Variants in JAKMIP3 observed in about 807,000 individuals in gnomAD.
JAKMIP3 encodes janus kinase and microtubule-interacting protein 3.
A neutral mutation model predicts 118.5 loss-of-function variants in JAKMIP3; 58 were observed. The observed-to-expected ratio is 0.49, with a 90% CI of 0.40 to 0.61. JAKMIP3 has a LOEUF of 0.61. Among genes scored for constraint, JAKMIP3 ranks in the 20% least tolerant of loss-of-function variants. The probability of loss-of-function intolerance (pLI) is 0.00; values close to 1 mark genes in which losing one functional copy is unlikely to be tolerated. For synonymous variants in JAKMIP3, 486 were observed against 451.2 expected (o/e 1.08, Z -0.98); for missense variants, 950 against 1,109.0 (o/e 0.86, Z 2.04).
At chr10:132,039,711 T>C (rs1366790616) in intron 1 of JAKMIP3, among the ~76,000 whole-genome samples, 1 of 152,240 alleles carries the variant, frequency 6.6e-6, no homozygotes, top group African/African-American at 2.4e-5. Flanking sequence ...CCCGATTCCC[T>C]ACAGCGGCAT....
At chr10:132,063,159 G>A (rs1036630444), upstream of JAKMIP3, among the ~76,000 whole-genome samples, 4 of 152,172 alleles carry the variant, frequency 2.6e-5, no homozygotes, top group African/African-American at 9.7e-5. Context: ...ACTGCCCGTG[G>A]GTGGGAAAGG....
At chr10:132,066,546 G>T (rs547740307) in intron 1 of JAKMIP3, among the ~76,000 whole-genome samples, 81 of 152,318 alleles carry the variant, frequency 5.3e-4, no homozygotes, top group African/African-American at 1.9e-3. Flanking sequence ...CTTTTTTGCT[G>T]CTTGTTTTCC....
chr10:132,036,747 C>T (rs939331257), intron 1 of JAKMIP3, among the ~76,000 whole-genome samples: 4 of 151,036 alleles, frequency 2.6e-5, no homozygotes, highest in Non-Finnish European at 5.9e-5. Context: ...CGGTGAGCAG[C>T]GGCCGGGGTG....
chr10:132,124,878 T>G (rs182649670), intron 3 of JAKMIP3, among the ~76,000 whole-genome samples: 1 of 152,378 alleles, frequency 6.6e-6, no homozygotes, highest in East Asian at 1.9e-4. Flanking sequence ...GTGACAGTAT[T>G]GCCATTTCTT....
chr10:132,176,335 C>A (rs2060136873), intron 23 of JAKMIP3, among the ~76,000 whole-genome samples: 1 of 152,230 alleles, frequency 6.6e-6, no homozygotes, highest in Non-Finnish European at 1.5e-5. Context: ...GCAGCTCCTG[C>A]CTGGTCCCCT....
chr10:132,129,405 C>G (rs1472280102), intron 3 of JAKMIP3, among the ~76,000 whole-genome samples: 2 of 152,160 alleles, frequency 1.3e-5, no homozygotes, highest in Non-Finnish European at 2.9e-5. Context: ...CTGCCTTGCA[C>G]ACGTACAGCT....
intron 1 of JAKMIP3, among the ~76,000 whole-genome samples, chr10:132,091,160 C>A (rs1171899621): frequency 6.6e-6 from 1 of 152,154 alleles, no homozygotes; most frequent in Non-Finnish European, 1.5e-5. Flanking sequence ...GTTATAATTT[C>A]TGTTCTTTTG....
rs369595261 is a variant in JAKMIP3 at position 132,136,029 on chromosome 10, C to T, written c.1069C>T (p.Arg357Ter). 5.0e-6 allele frequency: 8 copies of T among 1,613,380 alleles called. No individual in the cohort carries two copies. Among genetic ancestry groups the T allele is most frequent in the African/African-American group, 1.3e-5 (1 of 74,826 alleles). Reference protein sequence around the residue: ...KNEDLSHALRRMENKLKFVTQ... With the variant: ...KNEDLSHALR Reference sequence around the variant, plus strand: ...CGAGGATTTGTCTCATGCTTTACGCCGAATGGAAAACAAGTTAAAATTTGT... The same window carrying T: ...CGAGGATTTGTCTCATGCTTTACGCTGAATGGAAAACAAGTTAAAATTTGT... Residue 357 changes from arginine (R) to a stop codon, truncating the protein, a stop_gained, in exon 6 of 24, where the codon CGA becomes TGA. Transcript: ENST00000684848. LOFTEE classifies it high-confidence loss of function.
At chr10:132,174,206 C>T (rs1176516943) in intron 23 of JAKMIP3, among the ~76,000 whole-genome samples, 1 of 147,638 alleles carries the variant, frequency 6.8e-6, no homozygotes, top group African/African-American at 2.5e-5. Flanking sequence ...CATCCCCAAG[C>T]TGCCTCCTGC....
upstream of JAKMIP3, among the ~76,000 whole-genome samples, chr10:132,065,873 T>C (rs1298017473): frequency 6.6e-6 from 1 of 152,208 alleles, no homozygotes; most frequent in East Asian, 1.9e-4. The surrounding 1 kb of genome is among the most constrained non-coding windows in gnomAD (Gnocchi z 5.6). Flanking sequence ...GGGGAAATGG[T>C]TCCTCCCCCT....
intron 1 of JAKMIP3, among the ~76,000 whole-genome samples, chr10:132,087,842 T>C (rs2042591681): frequency 6.6e-6 from 1 of 152,088 alleles, no homozygotes; most frequent in African/African-American, 2.4e-5. Flanking sequence ...TATCTCCTAA[T>C]GCTATCCCTC....
chr10:132,093,453 C>T (rs1165408180), intron 1 of JAKMIP3, among the ~76,000 whole-genome samples: 1 of 152,244 alleles, frequency 6.6e-6, no homozygotes, highest in Non-Finnish European at 1.5e-5. Context: ...CCCCCTCCAC[C>T]AGCCTCGCTG....
chr10:132,143,150 G>T lies in JAKMIP3; in HGVS notation c.1602+1102G>T, dbSNP rs549343241. 3.2e-4 allele frequency among the ~76,000 whole-genome samples: 49 copies of T among 152,058 alleles called. 1 individual carries two copies. Among genetic ancestry groups the T allele is most frequent in the African/African-American group, 9.9e-4 (41 of 41,514 alleles). ...CTCCTCCTGTCCTGAGTCGGGGTGGGGGGGGCTGGCCTTGGAGGGGGCGTC... is the reference window on the plus strand; with the variant it reads ...CTCCTCCTGTCCTGAGTCGGGGTGGTGGGGGCTGGCCTTGGAGGGGGCGTC... On this transcript the variant is annotated intron_variant, in intron 11 of 23. Coordinates refer to ENST00000684848, the MANE Select transcript of JAKMIP3 (RefSeq NM_001323087.2).
rs941713510 is a variant in JAKMIP3 at position 132,179,968 on chromosome 10, T to G, written c.*1104-2389T>G. On this transcript the variant is annotated intron_variant, in intron 23 of 23. Coordinates refer to ENST00000684848, the MANE Select transcript of JAKMIP3 (RefSeq NM_001323087.2). The surrounding 1 kb of genome is among the most constrained non-coding windows in gnomAD (Gnocchi z 4.3). ...CCTCCAGCAGCAAAACACAGCCCCATATATGCAGTGTTTCTGCTCGGGAAA... is the reference window on the plus strand; with the variant it reads ...CCTCCAGCAGCAAAACACAGCCCCAGATATGCAGTGTTTCTGCTCGGGAAA... Among the ~76,000 whole-genome samples, 2 of 151,950 alleles carry G rather than the reference T, an allele frequency of 1.3e-5. No homozygotes were observed. The highest frequency in any genetic ancestry group is 4.8e-5 in the African/African-American group (2 of 41,308).
intron 19 of JAKMIP3, among the ~76,000 whole-genome samples, chr10:132,157,272 A>T (rs1274903158): frequency 6.6e-6 from 1 of 152,142 alleles, no homozygotes; most frequent in East Asian, 1.9e-4. Context: ...GGATAGCCTG[A>T]GAAACCCACC....
At chr10:132,101,330 G>A (rs548869030) in intron 1 of JAKMIP3, among the ~76,000 whole-genome samples, 12 of 152,242 alleles carry the variant, frequency 7.9e-5, no homozygotes, top group African/African-American at 1.9e-4. Context: ...CAGCCTGGGC[G>A]ACAGAGCAAG....
chr10:132,049,764 G>A lies in JAKMIP3; in HGVS notation c.-138+13026G>A, dbSNP rs1240494208. 1.3e-5 allele frequency among the ~76,000 whole-genome samples: 2 copies of A among 152,146 alleles called. No homozygotes were observed. Among genetic ancestry groups the A allele is most frequent in the Non-Finnish European group, 2.9e-5 (2 of 68,028 alleles). On this transcript the variant is annotated intron_variant, in intron 1 of 23. Transcript: ENST00000657785. The surrounding 1 kb of genome is among the most constrained non-coding windows in gnomAD (Gnocchi z 4.3). ...CTCCCAAAGTGCTGGGATTACAGGA[G>A]TGAGCCACCCTTCCCAGCCCTATGG...
At chr10:132,158,080 C>T (rs866073185) in intron 19 of JAKMIP3, among the ~76,000 whole-genome samples, 40 of 105,580 alleles carry the variant, frequency 3.8e-4, no homozygotes, top group South Asian at 1.5e-3. Context: ...ACCGCCCCCC[C>T]GCCCCGCCCC....
At chr10:132,160,482 C>T (rs1236552490) in intron 19 of JAKMIP3, among the ~76,000 whole-genome samples, 7 of 15,510 alleles carry the variant, frequency 4.5e-4, no homozygotes, top group Admixed American at 1.6e-3. Flanking sequence ...GGGGACCTCT[C>T]CCTGTGTGAT....
Sources: gnomAD v4.1 joint callset for allele counts (sites outside exome capture counted in the v4.1 genomes callset) on GRCh38, gnomAD v4.1.1 for gene constraint, Gnocchi (gnomAD v3.1) non-coding constraint, MANE v1.5 for transcripts, NCBI Gene and HGNC (gene_info 2026-07-23, HGNC 2026-07-21) for gene names.